Variants in BAZ2B observed in about 807,000 individuals in gnomAD.
The protein encoded by BAZ2B is bromodomain adjacent to zinc finger domain 2B.
Under a neutral mutation model 246.0 loss-of-function variants are expected in BAZ2B, and 91 were observed. That is an observed-to-expected ratio of 0.37 (90% confidence interval 0.31 to 0.44). The LOEUF is 0.44. BAZ2B is among the 20% of genes least tolerant of loss of function. The pLI is 1.00. For missense variants in BAZ2B, 2,332 were observed against 2,533.7 expected (o/e 0.92, Z 1.71); for synonymous variants, 855 against 860.0 (o/e 0.99, Z 0.10).
chr2:159,405,172 A>G (rs904379969), intron 14 of BAZ2B, 58 bp from the exon 15 acceptor site: 3 of 1,398,074 alleles, frequency 2.1e-6, no homozygotes, highest in Non-Finnish European at 3.0e-6. Context: ...CTAACCAAAA[A>G]CAATAACTGT....
At chr2:159,416,993 A>G (rs180683867) in intron 13 of BAZ2B, among the ~76,000 whole-genome samples, 17 of 152,292 alleles carry the variant, frequency 1.1e-4, no homozygotes, top group Middle Eastern at 3.4e-3. Context: ...TTCACATGCC[A>G]TTGGCTTTTT....
chr2:159,334,899 CT>C (rs952701532), intron 33 of BAZ2B, among the ~76,000 whole-genome samples: 8 of 151,136 alleles, frequency 5.3e-5, no homozygotes, highest in African/African-American at 1.9e-4. Context: ...AGGACTTAAT[CT>C]TTTTTTTTCA....
the BAZ2B span, among the ~76,000 whole-genome samples, chr2:159,691,118 CAGA>C: frequency 6.6e-6 from 1 of 152,182 alleles, no homozygotes; most frequent in African/African-American, 2.4e-5. Context: ...GTGCTTTTAT[CAGA>C]AGATGTTGAT....
At chr2:159,432,586 G>A (rs1433546387) in intron 9 of BAZ2B, among the ~76,000 whole-genome samples, 171 bp downstream of exon 9, 1 of 152,120 alleles carries the variant, frequency 6.6e-6, no homozygotes, top group Non-Finnish European at 1.5e-5. Context: ...TCTGACTTAG[G>A]ATTTCCAGTA....
intron 1 of BAZ2B, among the ~76,000 whole-genome samples, chr2:159,565,794 GA>G (rs1313524446): frequency 4.4e-4 from 51 of 116,464 alleles, no homozygotes; most frequent in East Asian, 7.4e-4. Context: ...AAAAAAAAAG[GA>G]AAAAAAAAAA....
At chr2:159,542,689 T>C (rs750802968) in intron 2 of BAZ2B, among the ~76,000 whole-genome samples, 2 of 152,004 alleles carry the variant, frequency 1.3e-5, no homozygotes, top group Non-Finnish European at 2.9e-5. Context: ...AGCTGATTTG[T>C]CATCTGAAAG....
In BAZ2B at chr2:159,547,518, A is replaced by C. The variant is rs1434274392; in HGVS notation, c.-3+8305T>G. On this transcript the variant is annotated intron_variant, in intron 2 of 36. Coordinates refer to ENST00000392783, the MANE Select transcript of BAZ2B (RefSeq NM_013450.4). ...CTCATCTCTAGTTTCTGCAGACTAC[A>C]GTTATATTTTATCCACTCCCTGACT... is the stretch of plus-strand genomic sequence containing the variant. Among the ~76,000 whole-genome samples the C allele has an allele frequency of 9.2e-5, 14 of 152,174 alleles. 1 individual carries two copies. Among genetic ancestry groups the C allele is most frequent in the Admixed American group, 9.2e-4 (14 of 15,270 alleles).
intron 3 of BAZ2B, among the ~76,000 whole-genome samples, chr2:159,456,406 C>A (rs2075779994): frequency 6.6e-6 from 1 of 152,000 alleles, no homozygotes; most frequent in Admixed American, 6.6e-5. Flanking sequence ...TTTGTAGTCT[C>A]ACAAGCAGAA....
At chr2:159,372,941 A>G in intron 27 of BAZ2B, 104 bp downstream of exon 27, 2 of 1,320,220 alleles carry the variant, frequency 1.5e-6, no homozygotes, top group Non-Finnish European at 2.0e-6. Context: ...TTACATGTTT[A>G]CCAAACATTG....
chr2:159,395,811 G>A lies in BAZ2B; in HGVS notation c.3033C>T (p.His1011=). ...CTTCCATAGCTTTCATAAGCATCAT[G>A]TGTTGTCGCCTTCGCTCTCGTTCCT... ...KHQERERRRQ[H]MMLMKAMEAR... The change falls in exon 20 of 37, where the codon CAC becomes CAT. Residue 1011 remains histidine (H), a synonymous_variant. Coordinates refer to ENST00000392783, the MANE Select transcript of BAZ2B (RefSeq NM_013450.4). 3.7e-6 allele frequency: 6 copies of A among 1,611,970 alleles called. No individual in the cohort carries two copies. The highest frequency in any genetic ancestry group is 5.1e-6 in the Non-Finnish European group (6 of 1,178,796).
At chr2:159,659,871 A>G in the BAZ2B span, among the ~76,000 whole-genome samples, 10 of 152,236 alleles carry the variant, frequency 6.6e-5, no homozygotes, top group African/African-American at 2.4e-4. Context: ...GAAGTCATTA[A>G]CTATTTCCAT....
Position 159,564,620 on chromosome 2 carries a change from G to A in BAZ2B, c.-45-8755C>T, listed in dbSNP as rs190537700. On this transcript the variant is annotated intron_variant, in intron 1 of 36. Transcript: ENST00000392783. ...ACAAGAAAAAAAACAGAATAATTAA[G>A]GATGATTCCAAGGTTTTGGTCAGAT... Among the ~76,000 whole-genome samples, 67 of 152,262 alleles carry A rather than the reference G, an allele frequency of 4.4e-4. No homozygotes were observed. The East Asian group carries it at 9.7e-3, about 22-fold the overall frequency.
chr2:159,607,329 AG>A (rs1323881326), intron 1 of BAZ2B, among the ~76,000 whole-genome samples: 1 of 152,194 alleles, frequency 6.6e-6, no homozygotes, highest in Non-Finnish European at 1.5e-5. Flanking sequence ...TGTTCTTAGC[AG>A]GGGGGATCAT....
At chr2:159,429,920 C>G (rs767099747) in intron 10 of BAZ2B, among the ~76,000 whole-genome samples, 1 of 152,042 alleles carries the variant, frequency 6.6e-6, no homozygotes, top group Non-Finnish European at 1.5e-5. Context: ...TTACTATATA[C>G]ATCTATATTT....
intron 1 of BAZ2B, among the ~76,000 whole-genome samples, chr2:159,612,060 A>C (rs1012819656): frequency 6.6e-6 from 1 of 152,032 alleles, no homozygotes; most frequent in African/African-American, 2.4e-5. Flanking sequence ...TATCAATAAA[A>C]GTTATAACAA....
chr2:159,318,815 G>T (rs1426363791), downstream of BAZ2B, among the ~76,000 whole-genome samples: 2 of 152,150 alleles, frequency 1.3e-5, no homozygotes, highest in African/African-American at 2.4e-5. Flanking sequence ...GGCTACAGAA[G>T]TTTGGCCACC....
the BAZ2B span, among the ~76,000 whole-genome samples, chr2:159,670,010 G>A: frequency 3.3e-5 from 5 of 151,288 alleles, no homozygotes; most frequent in East Asian, 3.9e-4. Flanking sequence ...TTGCTCTGTC[G>A]CCCAGGCTGG....
chr2:159,352,682 C>T (rs2058688548), intron 27 of BAZ2B, among the ~76,000 whole-genome samples: 1 of 152,124 alleles, frequency 6.6e-6, no homozygotes, highest in Admixed American at 6.6e-5. Flanking sequence ...GACGAGGTTT[C>T]ACTATGTTGC....
chr2:159,399,974 G>A (rs561370637), intron 17 of BAZ2B, among the ~76,000 whole-genome samples: 1 of 152,230 alleles, frequency 6.6e-6, no homozygotes, highest in South Asian at 2.1e-4. Context: ...AATGCCTTTG[G>A]GCTATTAAGG....
Sources: gnomAD v4.1 joint callset for allele counts (sites outside exome capture counted in the v4.1 genomes callset) on GRCh38, gnomAD v4.1.1 for gene constraint, MANE v1.5 for transcripts, NCBI Gene and HGNC (gene_info 2026-07-23, HGNC 2026-07-21) for gene names.